DENND1A: variants seen among roughly 807,000 people sequenced by gnomAD.
DENND1A encodes the protein DENN domain-containing protein 1A.
Under a neutral mutation model 113.7 loss-of-function variants are expected in DENND1A, and 51 were observed. The ratio of observed to expected loss-of-function variants is 0.45; its 90% CI spans 0.36 to 0.57. DENND1A has a LOEUF of 0.57. Ranked by LOEUF, DENND1A falls within the 20% of genes least tolerant of loss-of-function variation. DENND1A has a pLI of 0.00. For missense variants in DENND1A, 1,258 were observed against 1,395.9 expected (o/e 0.90, Z 1.57); for synonymous variants, 565 against 570.8 (o/e 0.99, Z 0.14).
In DENND1A at chr9:123,512,381, C is replaced by A. The variant is rs374863273; in HGVS notation, c.993+45189G>T. Reference sequence around the variant, plus strand: ...CCCTGGCCATGGGAGTGGGGTGCGACTGAATGGGCTGGCACTCGGCTCACT... The same window carrying A: ...CCCTGGCCATGGGAGTGGGGTGCGAATGAATGGGCTGGCACTCGGCTCACT... On this transcript the variant is annotated intron_variant, in intron 13 of 23. Coordinates refer to ENST00000394215, the MANE Select transcript of DENND1A (RefSeq NM_001352964.2). 5.3e-5 allele frequency among the ~76,000 whole-genome samples: 8 copies of A among 152,324 alleles called. No individual in the cohort carries two copies. In the South Asian group the frequency reaches 1.5e-3, roughly 28 times the overall value.
intron 13 of DENND1A, among the ~76,000 whole-genome samples, chr9:123,523,171 G>A (rs560674868): frequency 6.6e-6 from 1 of 152,272 alleles, no homozygotes; most frequent in Non-Finnish European, 1.5e-5. Flanking sequence ...TGTTGCCTCC[G>A]ATCAGTCCAT....
intron 2 of DENND1A, among the ~76,000 whole-genome samples, chr9:123,864,594 C>T (rs1458050033): frequency 1.3e-5 from 2 of 152,150 alleles, no homozygotes; most frequent in East Asian, 1.9e-4. Context: ...TTAAACTTTT[C>T]GTCCTAAGCA....
intron 5 of DENND1A, among the ~76,000 whole-genome samples, chr9:123,712,541 T>C (rs1046376607): frequency 2.6e-5 from 4 of 152,206 alleles, no homozygotes; most frequent in Non-Finnish European, 5.9e-5. Flanking sequence ...GCATTTAGAA[T>C]AGTGCCTGGC....
chr9:123,834,714 A>G (rs1564361790), intron 2 of DENND1A, among the ~76,000 whole-genome samples: 1 of 152,208 alleles, frequency 6.6e-6, no homozygotes, highest in Non-Finnish European at 1.5e-5. Flanking sequence ...ATGATAGACG[A>G]GCAAGCCAAA....
chr9:123,841,347 A>C (rs1590319468), intron 2 of DENND1A, among the ~76,000 whole-genome samples: 1 of 152,218 alleles, frequency 6.6e-6, no homozygotes, highest in South Asian at 2.1e-4. Flanking sequence ...CAGTTATTTT[A>C]AATGTTAAGA....
chr9:123,732,637 T>G (rs1200604305), intron 5 of DENND1A, among the ~76,000 whole-genome samples: 1 of 152,168 alleles, frequency 6.6e-6, no homozygotes, highest in Non-Finnish European at 1.5e-5. Context: ...CAAAACTCAG[T>G]AAATTATACA....
chr9:123,877,505 A>C (rs1847674611), intron 2 of DENND1A, among the ~76,000 whole-genome samples: 1 of 149,050 alleles, frequency 6.7e-6, no homozygotes, highest in African/African-American at 2.5e-5. Context: ...AATAATAATA[A>C]AATAAAATAC....
chr9:123,440,268 A>C (rs929065519), intron 19 of DENND1A, 92 bp downstream of exon 19: 14 of 1,403,608 alleles, frequency 1.0e-5, no homozygotes, highest in Admixed American at 5.5e-5. Flanking sequence ...AGAGAACTGA[A>C]ATGAAAAACC....
chr9:123,690,217 T>C (rs2065105706), intron 5 of DENND1A, among the ~76,000 whole-genome samples: 1 of 152,022 alleles, frequency 6.6e-6, no homozygotes, highest in South Asian at 2.1e-4. Flanking sequence ...CCATCATATA[T>C]GCTCCTAGAA....
intron 1 of DENND1A, among the ~76,000 whole-genome samples, chr9:123,914,590 A>C (rs1455108535): frequency 6.6e-6 from 1 of 151,740 alleles, no homozygotes; most frequent in Non-Finnish European, 1.5e-5. Flanking sequence ...GGTAATTGAT[A>C]AAGAAAAGAG....
chr9:123,878,747 T>C (rs568949373), intron 2 of DENND1A, among the ~76,000 whole-genome samples: 1 of 152,240 alleles, frequency 6.6e-6, no homozygotes, highest in Non-Finnish European at 1.5e-5. Context: ...AAGCCTATTA[T>C]GCTTGAACTC....
intron 2 of DENND1A, among the ~76,000 whole-genome samples, chr9:123,834,817 T>C (rs903056826): frequency 2.0e-5 from 3 of 152,202 alleles, no homozygotes; most frequent in Non-Finnish European, 4.4e-5. Flanking sequence ...AAACACTAAA[T>C]TGTTTAAATA....
At chr9:123,635,431 T>C (rs1195305146) in intron 9 of DENND1A, among the ~76,000 whole-genome samples, 2 of 152,214 alleles carry the variant, frequency 1.3e-5, no homozygotes, top group Admixed American at 6.5e-5. Context: ...TGTCAGAATA[T>C]AATGGCCACT....
chr9:123,683,822 C>G (rs567271264), intron 5 of DENND1A, among the ~76,000 whole-genome samples: 16 of 152,306 alleles, frequency 1.1e-4, no homozygotes, highest in South Asian at 1.0e-3. Context: ...TCATAGCTTA[C>G]CTTGACAGAC....
At chr9:123,775,506 G>C (rs763798728) in intron 3 of DENND1A, among the ~76,000 whole-genome samples, 5 of 151,412 alleles carry the variant, frequency 3.3e-5, no homozygotes, top group Non-Finnish European at 7.4e-5. Context: ...CCCTTAGGAA[G>C]ATACTATTTT....
intron 2 of DENND1A, among the ~76,000 whole-genome samples, chr9:123,822,486 A>G (rs534325536): frequency 7.9e-5 from 12 of 152,340 alleles, no homozygotes; most frequent in African/African-American, 2.4e-4. Flanking sequence ...TTGTAGATGC[A>G]TTTACGACTA....
intron 13 of DENND1A, among the ~76,000 whole-genome samples, chr9:123,496,644 C>T (rs2051942608): frequency 6.6e-6 from 1 of 152,240 alleles, no homozygotes; most frequent in Non-Finnish European, 1.5e-5. Flanking sequence ...AATACCTCTT[C>T]AAATCTGCAG....
chr9:123,518,541 C>G (rs192827535), intron 13 of DENND1A, among the ~76,000 whole-genome samples: 130 of 152,256 alleles, frequency 8.5e-4, no homozygotes, highest in African/African-American at 2.7e-3. Flanking sequence ...AATGCTGTGA[C>G]CCAGGGCAGG....
chr9:123,674,730 T>TA (rs2063961341), intron 6 of DENND1A, among the ~76,000 whole-genome samples: 1 of 152,202 alleles, frequency 6.6e-6, no homozygotes, highest in African/African-American at 2.4e-5. Context: ...TTTTACACGG[T>TA]AATAATCCAA....
Sources: gnomAD v4.1 joint callset for allele counts (sites outside exome capture counted in the v4.1 genomes callset) on GRCh38, gnomAD v4.1.1 for gene constraint, MANE v1.5 for transcripts, NCBI Gene and HGNC (gene_info 2026-07-23, HGNC 2026-07-21) for gene names.